Variants in ARL13B observed in about 807,000 individuals in gnomAD.
ARL13B encodes ARF like GTPase 13B.
A neutral mutation model predicts 56.1 loss-of-function variants in ARL13B; 36 were observed. That is an observed-to-expected ratio of 0.64 (90% CI 0.49 to 0.85). The LOEUF (loss-of-function observed/expected upper bound fraction) is 0.85, where lower values mean the gene tolerates loss of function less well. Ranked by LOEUF, ARL13B falls within the 40% of genes least tolerant of loss-of-function variation. The pLI, the probability that ARL13B is intolerant of heterozygous loss-of-function variation, is 0.00. For missense variants in ARL13B, 519 were observed against 507.1 expected (o/e 1.02, Z -0.23); for synonymous variants, 178 against 171.1 (o/e 1.04, Z -0.32).
chr3:94,054,863 GA>G lies in ARL13B; in HGVS notation c.*1604del. The G allele has an allele frequency of 6.2e-6, 2 of 322,898 alleles. No individual in the cohort carries two copies. Among genetic ancestry groups the G allele is most frequent in the Non-Finnish European group, 1.2e-5 (2 of 163,040 alleles). The allele number at this position is 322,898 out of a possible 1,614,324, so 20.0% of individuals were successfully genotyped here. On this transcript the variant is annotated 3_prime_UTR_variant, in exon 10 of 10. Coordinates refer to ENST00000394222, the MANE Select transcript of ARL13B (RefSeq NM_001174150.2). The stretch of plus-strand genomic sequence containing the variant: ...GCTGAAATGTGATGAAAAGCAATAC[GA>G]AAAGACAATGTAAACTTTGAAAAGG...
chr3:94,031,560 A>ATG (rs1455619431), intron 3 of ARL13B, among the ~76,000 whole-genome samples: 1 of 152,156 alleles, frequency 6.6e-6, no homozygotes, highest in East Asian at 1.9e-4. Flanking sequence ...CTGCCTCAAA[A>ATG]TGGGTACCTT....
chr3:94,037,598 C>T (rs989490800), intron 5 of ARL13B, among the ~76,000 whole-genome samples: 1 of 152,050 alleles, frequency 6.6e-6, no homozygotes, highest in Non-Finnish European at 1.5e-5. Flanking sequence ...GCTGTTGATA[C>T]AAGGTTTTAG....
intron 3 of ARL13B, among the ~76,000 whole-genome samples, chr3:94,021,849 A>G (rs1369054269): frequency 6.6e-6 from 1 of 152,172 alleles, no homozygotes; most frequent in African/African-American, 2.4e-5. Flanking sequence ...CGCATTTAAT[A>G]TAGCCATAAG....
intron 1 of ARL13B, among the ~76,000 whole-genome samples, chr3:93,982,007 C>G (rs1242547516): frequency 6.6e-6 from 1 of 152,018 alleles, no homozygotes; most frequent in Non-Finnish European, 1.5e-5. Flanking sequence ...ATAGTTGACC[C>G]CTCATTTTCC....
At chr3:93,994,444 C>T (rs554719315) in intron 1 of ARL13B, among the ~76,000 whole-genome samples, 3 of 151,292 alleles carry the variant, frequency 2.0e-5, no homozygotes, top group South Asian at 2.1e-4. Flanking sequence ...TTTTTTTCCC[C>T]GTAGTACCTA....
At chr3:94,025,231 A>G (rs762116509) in intron 3 of ARL13B, among the ~76,000 whole-genome samples, 6 of 152,158 alleles carry the variant, frequency 3.9e-5, no homozygotes, top group Admixed American at 6.5e-5. Context: ...CTTTTTATTA[A>G]TCTTAATGAA....
intron 1 of ARL13B, among the ~76,000 whole-genome samples, chr3:93,989,913 A>T (rs1255135366): frequency 1.3e-5 from 2 of 152,218 alleles, no homozygotes; most frequent in African/African-American, 4.8e-5. Context: ...TGACTATAAT[A>T]TTAGGAGTAA....
intron 3 of ARL13B, among the ~76,000 whole-genome samples, chr3:94,033,503 A>G (rs568447605): frequency 6.6e-6 from 1 of 152,320 alleles, no homozygotes; most frequent in East Asian, 1.9e-4. Flanking sequence ...GTGAATTTTA[A>G]GAGGCACCAA....
rs2077038849 is a variant in ARL13B at position 94,049,613 on chromosome 3, T to C, written c.1141+91T>C. 3.1e-6 allele frequency: 3 copies of C among 977,046 alleles called. No homozygotes were observed. The East Asian group carries it at 7.3e-5, about 24-fold the overall frequency. The allele number at this position is 977,046 out of a possible 1,614,324, so 60.5% of individuals were successfully genotyped here. On this transcript the variant is annotated intron_variant, in intron 8 of 9. Transcript: ENST00000394222. ...GAAAAAAGGAATCTTGTCATTTTTA[T>C]TCTGTATATTCATTATCTTGTATAC...
At chr3:94,024,985 T>C (rs892786364) in intron 3 of ARL13B, among the ~76,000 whole-genome samples, 1 of 152,212 alleles carries the variant, frequency 6.6e-6, no homozygotes, top group Non-Finnish European at 1.5e-5. Context: ...CAAATTGCTA[T>C]TGGAGCACAG....
rs1420958729 is a variant in ARL13B, at chr3:94,054,297, AAT to A, written c.*1036_*1037del. Reference sequence around the variant, plus strand: ...ACAGCTTGTGTACTAAAGTAATGAGAATAAAAATGTTGGCCCAAAATTACTTT... The same window carrying A: ...ACAGCTTGTGTACTAAAGTAATGAGAAAAAATGTTGGCCCAAAATTACTTT... On this transcript the variant is annotated 3_prime_UTR_variant, in exon 10 of 10. Coordinates refer to ENST00000394222, the MANE Select transcript of ARL13B (RefSeq NM_001174150.2). 6.8e-6 allele frequency: 3 copies of A among 440,930 alleles called. No individual in the cohort carries two copies. In the Admixed American group the frequency reaches 7.2e-5, roughly 11 times the overall value. The allele number at this position is 440,930 out of a possible 1,614,324, so 27.3% of individuals were successfully genotyped here.
chr3:93,983,649 G>T (rs1710318752), intron 1 of ARL13B, among the ~76,000 whole-genome samples: 1 of 151,588 alleles, frequency 6.6e-6, no homozygotes, highest in Non-Finnish European at 1.5e-5. Flanking sequence ...GAGTTTCTGG[G>T]GTTTTTTTTG....
intron 3 of ARL13B, among the ~76,000 whole-genome samples, chr3:94,024,793 G>T (rs1255840163): frequency 1.3e-5 from 2 of 151,946 alleles, no homozygotes; most frequent in East Asian, 3.9e-4. Flanking sequence ...TTGCTGTGTT[G>T]CTCAGGCTGA....
intron 1 of ARL13B, among the ~76,000 whole-genome samples, chr3:93,980,965 C>T (rs572238144): frequency 6.6e-6 from 1 of 152,118 alleles, no homozygotes; most frequent in Admixed American, 6.5e-5. Context: ...CATTTTGGCC[C>T]CACCTTTCTT....
intron 5 of ARL13B, among the ~76,000 whole-genome samples, chr3:94,039,499 C>CAAAAA (rs11437061): frequency 1.7e-4 from 11 of 65,154 alleles, no homozygotes; most frequent in Admixed American, 1.9e-4. Context: ...GACTCCGACT[C>CAAAAA]AAAAAAAAAA....
intron 7 of ARL13B, among the ~76,000 whole-genome samples, chr3:94,046,379 A>C (rs1256169912): frequency 2.0e-5 from 3 of 150,920 alleles, no homozygotes; most frequent in African/African-American, 7.4e-5. Context: ...CTTTATATTT[A>C]TATACTATTC....
At chr3:94,040,236 CTG>C (rs1351412257) in intron 6 of ARL13B, among the ~76,000 whole-genome samples, 1 of 152,018 alleles carries the variant, frequency 6.6e-6, no homozygotes, top group African/African-American at 2.4e-5. Context: ...ATAAATTTGA[CTG>C]TAGCAATTAT....
intron 1 of ARL13B, among the ~76,000 whole-genome samples, chr3:93,981,369 T>G (rs984930068): frequency 4.1e-5 from 6 of 145,324 alleles, no homozygotes; most frequent in Non-Finnish European, 9.1e-5. Context: ...AGCAAAGTTG[T>G]TTTTTTTTTT....
chr3:94,034,697 A>G (rs1372700652), intron 3 of ARL13B, among the ~76,000 whole-genome samples: 1 of 152,138 alleles, frequency 6.6e-6, no homozygotes, highest in Non-Finnish European at 1.5e-5. Context: ...AGATAAGAAT[A>G]TAATTTATGG....
Sources: gnomAD v4.1 joint callset for allele counts (sites outside exome capture counted in the v4.1 genomes callset) on GRCh38, gnomAD v4.1.1 for gene constraint, MANE v1.5 for transcripts, NCBI Gene and HGNC (gene_info 2026-07-23, HGNC 2026-07-21) for gene names.